The following MINPP1 variants were observed in gnomAD, a reference collection of about 807,000 sequenced individuals.
The protein encoded by MINPP1 is multiple inositol-polyphosphate phosphatase 1.
In MINPP1, 28 loss-of-function variants were observed where a neutral mutation model predicts 46.1. That is an observed-to-expected ratio of 0.61 (90% CI 0.45 to 0.83). MINPP1 has a LOEUF of 0.83. MINPP1 is among the 40% of genes least tolerant of loss of function. MINPP1 has a pLI of 0.00. For synonymous variants in MINPP1, 268 were observed against 249.1 expected, an observed-to-expected ratio of 1.08 and a Z score of -0.72; for missense variants, 603 against 610.0, an observed-to-expected ratio of 0.99 and a Z score of 0.12.
chr10:87,537,796 G>T (rs1270047872), intron 4 of MINPP1, among the ~76,000 whole-genome samples: 1 of 151,284 alleles, frequency 6.6e-6, no homozygotes, highest in East Asian at 1.9e-4. Flanking sequence ...TTTAGACGGG[G>T]TCTCACTCTG....
At chr10:87,532,530 G>A (rs1163769410) in intron 4 of MINPP1, among the ~76,000 whole-genome samples, 1 of 152,264 alleles carries the variant, frequency 6.6e-6, no homozygotes, top group Non-Finnish European at 1.5e-5. Flanking sequence ...ACACTGCTCA[G>A]CAGTGAGCGA....
At chr10:87,546,280 C>G (rs1851885190) in intron 4 of MINPP1, among the ~76,000 whole-genome samples, 1 of 152,130 alleles carries the variant, frequency 6.6e-6, no homozygotes. Context: ...CCAGGAGTTG[C>G]CGTGGCATCT....
chr10:87,537,568 T>C (rs1365493548), intron 4 of MINPP1, among the ~76,000 whole-genome samples: 1 of 151,002 alleles, frequency 6.6e-6, no homozygotes, highest in Non-Finnish European at 1.5e-5. Context: ...GTACAAGTCC[T>C]TTGTCAGATT....
chr10:87,550,170 G>T (rs1851942944), intron 4 of MINPP1, among the ~76,000 whole-genome samples: 1 of 152,124 alleles, frequency 6.6e-6, no homozygotes, highest in Non-Finnish European at 1.5e-5. Flanking sequence ...CAAAAATCTG[G>T]ATTTTTAAGA....
intron 4 of MINPP1, among the ~76,000 whole-genome samples, chr10:87,530,305 T>G (rs1412690477): frequency 3.3e-5 from 5 of 152,202 alleles, no homozygotes; most frequent in Non-Finnish European, 2.9e-5. Flanking sequence ...TTTAGAATCT[T>G]CAGCTTTTCT....
At chr10:87,523,000 A>T (rs1403769956) in intron 4 of MINPP1, among the ~76,000 whole-genome samples, 1 of 152,214 alleles carries the variant, frequency 6.6e-6, no homozygotes, top group Admixed American at 6.5e-5. Flanking sequence ...CACTTTGTTC[A>T]TCCATAAGAA....
chr10:87,531,823 G>A (rs1851664463), intron 4 of MINPP1, among the ~76,000 whole-genome samples: 2 of 152,090 alleles, frequency 1.3e-5, no homozygotes, highest in Admixed American at 1.3e-4. Context: ...TTCATGTCTA[G>A]ACTTGGGTCC....
intron 4 of MINPP1, among the ~76,000 whole-genome samples, chr10:87,531,178 T>C (rs7069054): frequency 0.86 from 130,589 of 152,214 alleles, 56,438 homozygotes; most frequent in African/African-American, 0.97. Context: ...CGTCCTGCTT[T>C]GTCTCATGCT....
intron 4 of MINPP1, among the ~76,000 whole-genome samples, chr10:87,522,196 AT>A (rs1286539037): frequency 1.3e-5 from 2 of 152,128 alleles, no homozygotes; most frequent in South Asian, 2.1e-4. Context: ...AAGTGGAAAA[AT>A]TTTTTTTAAA....
chr10:87,550,169 G>T (rs1851942898), intron 4 of MINPP1, among the ~76,000 whole-genome samples: 1 of 151,996 alleles, frequency 6.6e-6, no homozygotes, highest in Non-Finnish European at 1.5e-5. Context: ...GCAAAAATCT[G>T]GATTTTTAAG....
At chr10:87,552,049 T>TA (rs1418092621) in intron 4 of MINPP1, 33 bp from the exon 5 acceptor site, 1 of 1,537,312 alleles carries the variant, frequency 6.5e-7, no homozygotes, top group Non-Finnish European at 8.9e-7. Context: ...CATTAATATA[T>TA]ATACCTTATT....
chr10:87,523,356 GTT>G (rs34767942), intron 4 of MINPP1, among the ~76,000 whole-genome samples: 2 of 144,752 alleles, frequency 1.4e-5, no homozygotes, highest in Non-Finnish European at 3.0e-5. Context: ...TGAAATTTCT[GTT>G]TTTTTTTTTT....
rs554166631 is a variant in MINPP1, at chr10:87,541,076, G to A, written c.1068-11006G>A. On this transcript the variant is annotated intron_variant, in intron 4 of 4. Transcript: ENST00000371996. ...CTCCATTTTTGGTGTCTGTATACTT[G>A]CAATAGAAACATAATTTGTTTTTCC... is the stretch of plus-strand genomic sequence containing the variant. 6.4e-4 allele frequency among the ~76,000 whole-genome samples: 98 copies of A among 152,254 alleles called. 1 individual carries two copies. Among genetic ancestry groups the A allele is most frequent in the Admixed American group, 1.2e-3 (18 of 15,298 alleles).
rs572825364 is a variant in MINPP1 at position 87,531,018 on chromosome 10, T to C, written c.1067+9849T>C. 2.0e-5 allele frequency among the ~76,000 whole-genome samples: 3 copies of C among 152,312 alleles called. No individual in the cohort carries two copies. In the South Asian group the frequency reaches 6.2e-4, roughly 32 times the overall value. ...CCTCCGAGCCAGGCGCAGGATATAA[T>C]CTCCTGGTGTGCCGTTTGCTAAGAC... On this transcript the variant is annotated intron_variant, in intron 4 of 4. Coordinates refer to ENST00000371996, the MANE Select transcript of MINPP1 (RefSeq NM_004897.5).
rs144444158 is a variant in MINPP1 at position 87,535,877 on chromosome 10, C to T, written c.1067+14708C>T. Among the ~76,000 whole-genome samples, 606 of 152,114 alleles carry T rather than the reference C, an allele frequency of 4.0e-3. 8 individuals carry two copies. The highest frequency in any genetic ancestry group is 0.013 in the African/African-American group (553 of 41,490). ...CAGGGAGCTCGAGTCTAGGGTGAGCCGTGATCATGCCACTGTACTCCAGCT... is the reference window on the plus strand; with the variant it reads ...CAGGGAGCTCGAGTCTAGGGTGAGCTGTGATCATGCCACTGTACTCCAGCT... On this transcript the variant is annotated intron_variant, in intron 4 of 4. Transcript: ENST00000371996.
rs1445451269 is a variant in MINPP1 at position 87,553,056 on chromosome 10, T to C, written c.*578T>C. 6.6e-6 allele frequency: 1 copy of C among 152,198 alleles called. No individual in the cohort carries two copies. Among genetic ancestry groups the C allele is most frequent in the Non-Finnish European group, 1.5e-5 (1 of 68,020 alleles). The allele number at this position is 152,198 out of a possible 1,614,324, so 9.4% of individuals were successfully genotyped here. A position where few individuals can be genotyped will look rare whatever the true frequency, so the allele number is the denominator to read the frequency against. On this transcript the variant is annotated 3_prime_UTR_variant, in exon 5 of 5. Coordinates refer to ENST00000371996, the MANE Select transcript of MINPP1 (RefSeq NM_004897.5). ...CACTGAAGCAAGTCGGAAAGTACAA[T>C]GAAAATAAATATTTTTGGTATTTAT...
chr10:87,537,802 C>T (rs1041282400), intron 4 of MINPP1, among the ~76,000 whole-genome samples: 1 of 151,602 alleles, frequency 6.6e-6, no homozygotes, highest in Non-Finnish European at 1.5e-5. Flanking sequence ...CGGGGTCTCA[C>T]TCTGTTACCC....
chr10:87,551,387 C>T (rs999359148), intron 4 of MINPP1, among the ~76,000 whole-genome samples: 15 of 151,776 alleles, frequency 9.9e-5, no homozygotes, highest in African/African-American at 3.6e-4. Flanking sequence ...CAGTCATTCA[C>T]TGCTTCTTAA....
intron 2 of MINPP1, 90 bp downstream of exon 2, chr10:87,508,623 A>G: frequency 7.8e-7 from 1 of 1,279,488 alleles, no homozygotes; most frequent in Non-Finnish European, 1.1e-6. Context: ...GTCTTTTTTA[A>G]AGACCCATAA....
Sources: gnomAD v4.1 joint callset for allele counts (sites outside exome capture counted in the v4.1 genomes callset) on GRCh38, gnomAD v4.1.1 for gene constraint, MANE v1.5 for transcripts, NCBI Gene and HGNC (gene_info 2026-07-23, HGNC 2026-07-21) for gene names.